Variants in LCLAT1 observed in about 807,000 individuals in gnomAD.
The protein encoded by LCLAT1 is lysocardiolipin acyltransferase 1, also known as 1-AGP acyltransferase 8.
Under a neutral mutation model 30.7 loss-of-function variants are expected in LCLAT1, and 11 were observed. The observed-to-expected ratio is 0.36, with a 90% confidence interval of 0.23 to 0.59. The LOEUF (loss-of-function observed/expected upper bound fraction) is 0.59. LCLAT1 is among the 20% of genes least tolerant of loss of function. The probability of loss-of-function intolerance (pLI) is 0.77; values close to 1 mark genes in which losing one functional copy is unlikely to be tolerated. For missense variants in LCLAT1, 402 were observed against 458.6 expected, an observed-to-expected ratio of 0.88 and a Z score of 1.13; for synonymous variants, 155 against 151.3, an observed-to-expected ratio of 1.02 and a Z score of -0.18.
intron 1 of LCLAT1, among the ~76,000 whole-genome samples, chr2:30,502,185 T>G (rs1427605145): frequency 1.3e-5 from 2 of 152,186 alleles, no homozygotes; most frequent in African/African-American, 4.8e-5. Context: ...GATTTCACTC[T>G]CTAGTTTTTG....
chr2:30,477,887 GACTT>G lies in LCLAT1; in HGVS notation c.-5+30505_-5+30508del, dbSNP rs533138377. On this transcript the variant is annotated intron_variant, in intron 1 of 5. Coordinates refer to ENST00000379509, the MANE Select transcript of LCLAT1 (RefSeq NM_001002257.3). ...TGGTAAAAACAGAACAACTTTTTAA[GACTT>G]CTTGAAATTTTACGATTTTCCTTCT... 2.0e-5 allele frequency among the ~76,000 whole-genome samples: 3 copies of G among 152,092 alleles called. No homozygotes were observed. The East Asian group carries it at 5.8e-4, about 29-fold the overall frequency.
At chr2:30,583,102 A>G (rs559363278) in intron 5 of LCLAT1, among the ~76,000 whole-genome samples, 9 of 152,218 alleles carry the variant, frequency 5.9e-5, no homozygotes, top group Non-Finnish European at 1.0e-4. Flanking sequence ...TTGGCACACA[A>G]GTTTAAGATA....
chr2:30,565,766 A>G (rs1665455863), intron 4 of LCLAT1, among the ~76,000 whole-genome samples: 1 of 152,222 alleles, frequency 6.6e-6, no homozygotes, highest in South Asian at 2.1e-4. Context: ...ATGCAGAAAA[A>G]TAAGGCAGGA....
intron 5 of LCLAT1, among the ~76,000 whole-genome samples, chr2:30,583,056 A>T (rs1329038440): frequency 1.3e-5 from 2 of 152,188 alleles, no homozygotes; most frequent in African/African-American, 4.8e-5. Flanking sequence ...TTATACTCTA[A>T]TTAGCTCTTT....
chr2:30,461,675 C>G (rs1366915349), intron 1 of LCLAT1, among the ~76,000 whole-genome samples: 1 of 151,960 alleles, frequency 6.6e-6, no homozygotes, highest in Non-Finnish European at 1.5e-5. Flanking sequence ...AAGCCCTTTA[C>G]TTAACCCTTT....
At chr2:30,588,570 T>A (rs1298916874) in intron 5 of LCLAT1, among the ~76,000 whole-genome samples, 1 of 152,104 alleles carries the variant, frequency 6.6e-6, no homozygotes, top group East Asian at 1.9e-4. Flanking sequence ...TTTTTGTTAT[T>A]TTTGTTGTTG....
chr2:30,533,007 A>G (rs911900784), intron 2 of LCLAT1, 109 bp from the exon 3 acceptor site: 24 of 777,884 alleles, frequency 3.1e-5, no homozygotes, highest in African/African-American at 8.7e-5. Context: ...CATGGGAAAT[A>G]CTAACTTTTA....
chr2:30,630,298 T>C (rs531816856), intron 5 of LCLAT1, among the ~76,000 whole-genome samples: 1 of 152,272 alleles, frequency 6.6e-6, no homozygotes, highest in African/African-American at 2.4e-5. Flanking sequence ...TATAGTCACA[T>C]TGGGGGTTAG....
chr2:30,471,443 C>CAA, intron 1 of LCLAT1, among the ~76,000 whole-genome samples: 2 of 151,480 alleles, frequency 1.3e-5, no homozygotes, highest in South Asian at 4.2e-4. Context: ...CTCCTGACCT[C>CAA]AAGTGATCCA....
At chr2:30,572,707 G>A (rs60847386) in intron 5 of LCLAT1, among the ~76,000 whole-genome samples, 6,013 of 151,438 alleles carry the variant, frequency 0.04, 408 homozygotes, top group African/African-American at 0.14. Flanking sequence ...ATTATTCTTT[G>A]TAGGTTTTTT....
In LCLAT1 at chr2:30,506,017, C is replaced by A. The variant is rs958754746; in HGVS notation, c.-4-19570C>A. ...CAGGCTTGTTTATTAAATCCATTAA[C>A]GGTTCAGAGTCCTTCCTTGCTTCAT... On this transcript the variant is annotated intron_variant, in intron 1 of 5. Transcript: ENST00000379509. 6.6e-5 allele frequency among the ~76,000 whole-genome samples: 10 copies of A among 152,216 alleles called. No individual in the cohort carries two copies. In the South Asian group the frequency reaches 1.9e-3, roughly 28 times the overall value.
chr2:30,618,427 T>C (rs948850532), intron 5 of LCLAT1, among the ~76,000 whole-genome samples: 9 of 152,196 alleles, frequency 5.9e-5, no homozygotes, highest in African/African-American at 2.2e-4. Flanking sequence ...GGTCTTTCTC[T>C]CAGTCATGTT....
intron 3 of LCLAT1, among the ~76,000 whole-genome samples, chr2:30,537,452 CAAA>C (rs1446024338): frequency 3.3e-5 from 5 of 149,962 alleles, no homozygotes; most frequent in African/African-American, 1.2e-4. Flanking sequence ...TAAAAAGTGA[CAAA>C]GAAGGCAATT....
At chr2:30,614,736 T>C (rs573883217) in intron 5 of LCLAT1, among the ~76,000 whole-genome samples, 12 of 152,272 alleles carry the variant, frequency 7.9e-5, no homozygotes, top group Non-Finnish European at 1.3e-4. Flanking sequence ...TGACCACATA[T>C]GATATTTAAA....
At chr2:30,636,741 T>G (rs1001583857) in intron 5 of LCLAT1, among the ~76,000 whole-genome samples, 2 of 152,240 alleles carry the variant, frequency 1.3e-5, no homozygotes, top group Non-Finnish European at 2.9e-5. Flanking sequence ...AAAAGGGCAT[T>G]CTTCTCACCA....
rs540652873 is a variant in LCLAT1, at chr2:30,501,151, C to A, written c.-4-24436C>A. 2.0e-5 allele frequency among the ~76,000 whole-genome samples: 3 copies of A among 148,938 alleles called. No homozygotes were observed. In the East Asian group the frequency reaches 6.1e-4, roughly 30 times the overall value. On this transcript the variant is annotated intron_variant, in intron 1 of 5. Coordinates refer to ENST00000379509, the MANE Select transcript of LCLAT1 (RefSeq NM_001002257.3). ...ACATTTCTTTCCTGCTTATAAAATC[C>A]TGATTCTAGTTGGGCAAGAAGGTGA...
At chr2:30,510,186 A>G (rs1006743515) in intron 1 of LCLAT1, among the ~76,000 whole-genome samples, 2 of 151,966 alleles carry the variant, frequency 1.3e-5, no homozygotes, top group East Asian at 1.9e-4. Context: ...CCTCTCATCT[A>G]TGATGATCTC....
chr2:30,633,401 AC>A (rs1668859901), intron 5 of LCLAT1, among the ~76,000 whole-genome samples: 1 of 152,222 alleles, frequency 6.6e-6, no homozygotes, highest in Admixed American at 6.5e-5. Context: ...TAAATAAGTT[AC>A]ATGTCGCCGG....
rs750459801 is a variant in LCLAT1, at chr2:30,508,427, C to T, written c.-4-17160C>T. 5.6e-4 allele frequency among the ~76,000 whole-genome samples: 85 copies of T among 152,078 alleles called. 1 individual carries two copies. Among genetic ancestry groups the T allele is most frequent in the Non-Finnish European group, 1.5e-4 (10 of 68,012 alleles). On this transcript the variant is annotated intron_variant, in intron 1 of 5. Coordinates refer to ENST00000379509, the MANE Select transcript of LCLAT1 (RefSeq NM_001002257.3). ...GAGTTTTATATTTAAGTCTCTAATC[C>T]ATCTTGAGATGATTTTTTGTATATC...
Sources: gnomAD v4.1 joint callset for allele counts (sites outside exome capture counted in the v4.1 genomes callset) on GRCh38, gnomAD v4.1.1 for gene constraint, MANE v1.5 for transcripts, NCBI Gene and HGNC (gene_info 2026-07-23, HGNC 2026-07-21) for gene names.